The following PTPN9 variants were observed in gnomAD, a reference collection of about 807,000 sequenced individuals.
The protein encoded by PTPN9 is protein tyrosine phosphatase non-receptor type 9.
In PTPN9, 26 loss-of-function variants were observed where a neutral mutation model predicts 69.8. The observed-to-expected ratio is 0.37, with a 90% CI of 0.27 to 0.52. The LOEUF (loss-of-function observed/expected upper bound fraction) is 0.52. PTPN9 is among the 20% of genes least tolerant of loss of function. The pLI is 0.91. For missense variants in PTPN9, 549 were observed against 740.3 expected, an observed-to-expected ratio of 0.74 and a Z score of 3.00; for synonymous variants, 274 against 272.5, an observed-to-expected ratio of 1.01 and a Z score of -0.05.
intron 1 of PTPN9, among the ~76,000 whole-genome samples, chr15:75,540,644 T>C (rs2075004625): frequency 6.6e-6 from 1 of 151,984 alleles, no homozygotes; most frequent in East Asian, 1.9e-4. Context: ...TTTGTACTTT[T>C]CAGTTGCTGC....
At chr15:75,515,440 A>AG (rs958103354) in intron 5 of PTPN9, among the ~76,000 whole-genome samples, 2 of 151,582 alleles carry the variant, frequency 1.3e-5, no homozygotes, top group African/African-American at 4.8e-5. Flanking sequence ...AAAAAAAAAA[A>AG]AAAAAAGAAA....
chr15:75,492,051 T>C (rs2074713947), intron 7 of PTPN9, among the ~76,000 whole-genome samples: 1 of 152,106 alleles, frequency 6.6e-6, no homozygotes, highest in South Asian at 2.1e-4. Context: ...TTTTAAATTT[T>C]TTGTAGAGAA....
chr15:75,476,247 G>T (rs1031198145), intron 9 of PTPN9, among the ~76,000 whole-genome samples: 2 of 152,132 alleles, frequency 1.3e-5, no homozygotes, highest in African/African-American at 2.4e-5. Context: ...CTATGGAAAG[G>T]TATTCACAGA....
intron 8 of PTPN9, among the ~76,000 whole-genome samples, chr15:75,482,060 T>G (rs1419108512): frequency 1.6e-4 from 24 of 147,476 alleles, no homozygotes; most frequent in African/African-American, 5.7e-4. Context: ...ATGGTTGCCG[T>G]GTCTGTGTAG....
At chr15:75,529,913 G>GA (rs1378464002) in intron 1 of PTPN9, among the ~76,000 whole-genome samples, 365 of 140,226 alleles carry the variant, frequency 2.6e-3, no homozygotes, top group African/African-American at 8.9e-3. Flanking sequence ...CTGTTTCAAA[G>GA]AAAAAAAAAA....
intron 4 of PTPN9, among the ~76,000 whole-genome samples, chr15:75,521,382 T>TC (rs2141319431): frequency 6.8e-6 from 1 of 147,560 alleles, no homozygotes; most frequent in South Asian, 2.2e-4. Context: ...AACCCGGGAG[T>TC]CGGAGCTTGC....
At chr15:75,535,287 C>T (rs987425864) in intron 1 of PTPN9, among the ~76,000 whole-genome samples, 4 of 152,122 alleles carry the variant, frequency 2.6e-5, no homozygotes, top group African/African-American at 4.8e-5. Flanking sequence ...TGAGCCACCG[C>T]GCCCGGCCTC....
chr15:75,555,461 G>A (rs532667065), intron 1 of PTPN9, among the ~76,000 whole-genome samples: 265 of 152,152 alleles, frequency 1.7e-3, no homozygotes, highest in Non-Finnish European at 2.8e-3. Context: ...GGCAGGACTT[G>A]AAAATGTGCA....
intron 1 of PTPN9, among the ~76,000 whole-genome samples, chr15:75,570,966 C>T (rs1347851447): frequency 6.6e-6 from 1 of 151,914 alleles, no homozygotes; most frequent in Non-Finnish European, 1.5e-5. Context: ...TTTCGCTATT[C>T]AAAAACGATG....
At chr15:75,510,107 A>T (rs768109461) in intron 5 of PTPN9, among the ~76,000 whole-genome samples, 3 of 152,220 alleles carry the variant, frequency 2.0e-5, no homozygotes, top group Admixed American at 6.5e-5. Flanking sequence ...TGTATTTACC[A>T]ATCAATAATC....
At chr15:75,562,193 C>G (rs1202274400) in intron 1 of PTPN9, among the ~76,000 whole-genome samples, 2 of 152,174 alleles carry the variant, frequency 1.3e-5, no homozygotes, top group Non-Finnish European at 2.9e-5. Flanking sequence ...ACCTTCTATT[C>G]TGAGAGCTAC....
At chr15:75,496,331 T>C (rs1278343630) in intron 7 of PTPN9, among the ~76,000 whole-genome samples, 2 of 151,604 alleles carry the variant, frequency 1.3e-5, no homozygotes, top group Non-Finnish European at 2.9e-5. Context: ...TAGTAGCCCA[T>C]GTAGCTCTCC....
At chr15:75,566,714 A>G (rs1025382604) in intron 1 of PTPN9, among the ~76,000 whole-genome samples, 17 of 151,876 alleles carry the variant, frequency 1.1e-4, no homozygotes, top group African/African-American at 3.9e-4. Context: ...TGGGCTGGGC[A>G]CAGTGGTTCA....
rs748834899 is a variant in PTPN9, at chr15:75,506,022, C to T, written c.640-19G>A. ...TTTGAATCTGGAAGGTTAGAAAGAA[C>T]CATGTGAGTATGTGGGAGGAGGGAA... On this transcript the variant is annotated intron_variant, in intron 6 of 12. Transcript: ENST00000618819. 2.6e-6 allele frequency: 4 copies of T among 1,567,848 alleles called. No homozygotes were observed. In the East Asian group the frequency reaches 6.7e-5, roughly 26 times the overall value.
rs2074544376 is a variant in PTPN9, at chr15:75,468,044, G to C, written c.*725C>G. 1 of 152,590 alleles carries C rather than the reference G, an allele frequency of 6.6e-6. No individual in the cohort carries two copies. Among genetic ancestry groups the C allele is most frequent in the East Asian group, 1.9e-4 (1 of 5,196 alleles). The allele number at this position is 152,590 out of a possible 1,614,324, so 9.5% of individuals were successfully genotyped here. A position where few individuals can be genotyped will look rare whatever the true frequency, so the allele number is the denominator to read the frequency against. ...TCCACCACTCTGTAGCCTGACAAGA[G>C]GAGACATGATCACCAACCCAAGCTA... On this transcript the variant is annotated 3_prime_UTR_variant, in exon 13 of 13. Coordinates refer to ENST00000618819, the MANE Select transcript of PTPN9 (RefSeq NM_002833.4).
chr15:75,548,195 C>T (rs2075042269), intron 1 of PTPN9, among the ~76,000 whole-genome samples: 1 of 152,008 alleles, frequency 6.6e-6, no homozygotes, highest in Non-Finnish European at 1.5e-5. Context: ...ATTATAACCA[C>T]TGTATTACAG....
intron 5 of PTPN9, among the ~76,000 whole-genome samples, chr15:75,514,299 T>C (rs2074858841): frequency 1.3e-5 from 2 of 151,556 alleles, no homozygotes; most frequent in South Asian, 4.2e-4. Flanking sequence ...GCGCTGTGGG[T>C]CGGGCACAGT....
intron 7 of PTPN9, among the ~76,000 whole-genome samples, chr15:75,490,567 G>A (rs147524537): frequency 2.2e-4 from 33 of 152,164 alleles, no homozygotes; most frequent in African/African-American, 8.0e-4. Flanking sequence ...CACTTTGGGA[G>A]GCAGGAGGAT....
intron 1 of PTPN9, among the ~76,000 whole-genome samples, chr15:75,564,398 T>C (rs1307207494): frequency 2.0e-5 from 3 of 151,180 alleles, no homozygotes; most frequent in Non-Finnish European, 4.4e-5. Flanking sequence ...ATTGAGACCA[T>C]CCTGGCTAAC....
Sources: gnomAD v4.1 joint callset for allele counts (sites outside exome capture counted in the v4.1 genomes callset) on GRCh38, gnomAD v4.1.1 for gene constraint, MANE v1.5 for transcripts, NCBI Gene and HGNC (gene_info 2026-07-23, HGNC 2026-07-21) for gene names.